Variants in ATXN7L1 observed in about 807,000 individuals in gnomAD.
The protein encoded by ATXN7L1 is ataxin-7-like protein 1.
Under a neutral mutation model 70.8 loss-of-function variants are expected in ATXN7L1, and 15 were observed. The observed-to-expected ratio is 0.21, with a 90% CI of 0.14 to 0.33. ATXN7L1 has a LOEUF of 0.33. ATXN7L1 is among the 10% of genes least tolerant of loss of function. The pLI, the probability that ATXN7L1 is intolerant of heterozygous loss-of-function variation, is 1.00. For synonymous variants in ATXN7L1, 440 were observed against 445.1 expected, an observed-to-expected ratio of 0.99 and a Z score of 0.14; for missense variants, 975 against 1,097.1, an observed-to-expected ratio of 0.89 and a Z score of 1.57.
chr7:105,664,602 TCACTGTCACCCAGGCTGGAGTGCA>T, intron 4 of ATXN7L1, among the ~76,000 whole-genome samples: 1 of 149,260 alleles, frequency 6.7e-6, no homozygotes, highest in South Asian at 2.1e-4. Context: ...AGACAGAGTT[TCACTGTCACCCAGGCTGGAGTGCA>T]GTGGCGTGAT....
intron 3 of ATXN7L1, among the ~76,000 whole-genome samples, chr7:105,678,885 G>A (rs1024573571): frequency 1.3e-5 from 2 of 152,158 alleles, no homozygotes; most frequent in African/African-American, 4.8e-5. Context: ...CCCTGTCTCG[G>A]CTCCAGCTCC....
At chr7:105,619,297 G>A (rs1425278355) in intron 9 of ATXN7L1, among the ~76,000 whole-genome samples, 4 of 147,068 alleles carry the variant, frequency 2.7e-5, no homozygotes, top group East Asian at 2.0e-4. Flanking sequence ...ACAGGTGTGC[G>A]CCACCACACC....
At chr7:105,622,526 A>G (rs1584352316) in intron 8 of ATXN7L1, among the ~76,000 whole-genome samples, 1 of 152,032 alleles carries the variant, frequency 6.6e-6, no homozygotes, top group Non-Finnish European at 1.5e-5. Flanking sequence ...CTCACCAACT[A>G]CCACCCACTC....
chr7:105,724,603 A>AAAG (rs1355634723), intron 3 of ATXN7L1, among the ~76,000 whole-genome samples: 32 of 134,998 alleles, frequency 2.4e-4, no homozygotes, highest in African/African-American at 8.3e-4. Context: ...AAAAAAAAAA[A>AAAG]GGAGGCCGGG....
rs139416437 is a variant in ATXN7L1, at chr7:105,690,799, C to T, written c.356-25511G>A. 3.0e-4 allele frequency among the ~76,000 whole-genome samples: 45 copies of T among 152,256 alleles called. No homozygotes were observed. The East Asian group carries it at 6.2e-3, about 21-fold the overall frequency. ...ACACAGCCATTCAGTGGGACAAGCA[C>T]GGCAATTTTTAGCCAACTGTTCTAG... On this transcript the variant is annotated intron_variant, in intron 3 of 11. Transcript: ENST00000419735.
chr7:105,718,630 G>A lies in ATXN7L1; in HGVS notation c.356-53342C>T, dbSNP rs534882129. On this transcript the variant is annotated intron_variant, in intron 3 of 11. Transcript: ENST00000419735. ...TTTGCATCTCTGCAGTTGACGGCAG[G>A]AGCAAAAAATGTGGCCAGCCAGGTT... 2.0e-5 allele frequency among the ~76,000 whole-genome samples: 3 copies of A among 152,296 alleles called. No homozygotes were observed. The South Asian group carries it at 6.2e-4, about 32-fold the overall frequency.
chr7:105,641,893 G>T (rs1013536158), intron 5 of ATXN7L1, among the ~76,000 whole-genome samples: 1 of 152,200 alleles, frequency 6.6e-6, no homozygotes, highest in Non-Finnish European at 1.5e-5. Context: ...AGAGAAACTA[G>T]AACTACAGAC....
At chr7:105,669,694 G>A (rs1218898548) in intron 3 of ATXN7L1, among the ~76,000 whole-genome samples, 2 of 152,016 alleles carry the variant, frequency 1.3e-5, no homozygotes, top group Non-Finnish European at 2.9e-5. Flanking sequence ...AGGCCAAGGC[G>A]GGTGGATCTT....
intron 2 of ATXN7L1, among the ~76,000 whole-genome samples, chr7:105,813,219 TG>T (rs1808687110): frequency 6.6e-6 from 1 of 152,230 alleles, no homozygotes; most frequent in African/African-American, 2.4e-5. Flanking sequence ...TAATATTTCC[TG>T]GCCTCCCAGC....
intron 11 of ATXN7L1, 57 bp downstream of exon 11, chr7:105,610,472 T>C: frequency 7.0e-7 from 1 of 1,420,446 alleles, no homozygotes; most frequent in Non-Finnish European, 9.7e-7. Flanking sequence ...CCAAACTCTT[T>C]CCACTCTGCT....
At chr7:105,719,328 T>G (rs1419517925) in intron 3 of ATXN7L1, among the ~76,000 whole-genome samples, 1 of 152,070 alleles carries the variant, frequency 6.6e-6, no homozygotes, top group Non-Finnish European at 1.5e-5. Context: ...CCCTACAGGG[T>G]CTAGTTCAAG....
intron 2 of ATXN7L1, among the ~76,000 whole-genome samples, chr7:105,864,405 C>G (rs1452750013): frequency 7.8e-6 from 1 of 127,678 alleles, no homozygotes; most frequent in Non-Finnish European, 1.6e-5. Flanking sequence ...CTGCAGTGAG[C>G]TTGATCATGC....
intron 3 of ATXN7L1, among the ~76,000 whole-genome samples, chr7:105,666,662 A>G (rs980148350): frequency 6.6e-6 from 1 of 152,194 alleles, no homozygotes; most frequent in Non-Finnish European, 1.5e-5. Flanking sequence ...GGATCATCCA[A>G]TTGCTGGGTT....
Position 105,792,499 on chromosome 7 carries a change from G to A in ATXN7L1, c.251-3791C>T, listed in dbSNP as rs562398490. 2.6e-5 allele frequency among the ~76,000 whole-genome samples: 4 copies of A among 152,314 alleles called. No individual in the cohort carries two copies. In the South Asian group the frequency reaches 8.3e-4, roughly 32 times the overall value. On this transcript the variant is annotated intron_variant, in intron 2 of 11. Coordinates refer to ENST00000419735, the MANE Select transcript of ATXN7L1 (RefSeq NM_020725.2). ...GGCTGGGGGACAAAGCAGGGAGGGA[G>A]GGCAGGGAGAGAGGAGAACTAATGA... is the stretch of plus-strand genomic sequence containing the variant.
At chr7:105,669,408 G>T (rs1803173090) in intron 3 of ATXN7L1, among the ~76,000 whole-genome samples, 1 of 152,184 alleles carries the variant, frequency 6.6e-6, no homozygotes, top group Non-Finnish European at 1.5e-5. Flanking sequence ...TCAATTGAAA[G>T]AACAAGTTGC....
intron 3 of ATXN7L1, among the ~76,000 whole-genome samples, chr7:105,695,039 T>A (rs1791530560): frequency 6.6e-6 from 1 of 152,052 alleles, no homozygotes; most frequent in African/African-American, 2.4e-5. Context: ...TAGTCCCAGC[T>A]ACTCAGGAGG....
chr7:105,764,972 T>A (rs540797239), intron 3 of ATXN7L1, among the ~76,000 whole-genome samples: 1 of 152,266 alleles, frequency 6.6e-6, no homozygotes, highest in African/African-American at 2.4e-5. Flanking sequence ...TAGGCATCTG[T>A]CTGTCTTAAT....
In ATXN7L1 at chr7:105,607,665, C is replaced by A. The variant is rs139372890; in HGVS notation, c.*187G>T. On this transcript the variant is annotated 3_prime_UTR_variant, in exon 12 of 12. Transcript: ENST00000419735. ...AACTGTTTTCTGTAAATCTCAAATT[C>A]ACCTTCTTTTGCCTTTTTAACTAAA... The A allele has an allele frequency of 2.2e-4, 128 of 580,104 alleles. No individual in the cohort carries two copies. Among genetic ancestry groups the A allele is most frequent in the African/African-American group, 2.1e-3 (112 of 53,678 alleles). The allele number at this position is 580,104 out of a possible 1,614,324, so 35.9% of individuals were successfully genotyped here.
intron 4 of ATXN7L1, among the ~76,000 whole-genome samples, chr7:105,663,125 C>T (rs1408792501): frequency 2.6e-5 from 4 of 152,216 alleles, no homozygotes; most frequent in Non-Finnish European, 5.9e-5. Context: ...CTCTCAGGCA[C>T]ATTCTCAGGT....
Sources: gnomAD v4.1 joint callset for allele counts (sites outside exome capture counted in the v4.1 genomes callset) on GRCh38, gnomAD v4.1.1 for gene constraint, MANE v1.5 for transcripts, NCBI Gene and HGNC (gene_info 2026-07-23, HGNC 2026-07-21) for gene names.